The following RABIF variants were observed in gnomAD, a reference collection of about 807,000 sequenced individuals.
The protein encoded by RABIF is RAB interacting factor, also known as guanine nucleotide exchange factor MSS4.
A neutral mutation model predicts 12.3 loss-of-function variants in RABIF; 13 were observed. That is an observed-to-expected ratio of 1.06 (90% confidence interval 0.69 to 1.68). The LOEUF is 1.68. RABIF is among the 40% of genes most tolerant of loss of function. RABIF has a pLI of 0.00. For synonymous variants in RABIF, 70 were observed against 63.3 expected, an observed-to-expected ratio of 1.11 and a Z score of -0.50; for missense variants, 153 against 158.0, an observed-to-expected ratio of 0.97 and a Z score of 0.17.
In RABIF at chr1:202,880,882, C is replaced by G. The variant is rs1008015236; in HGVS notation, c.*96G>C. On this transcript the variant is annotated 3_prime_UTR_variant, in exon 2 of 2. Coordinates refer to ENST00000367262, the MANE Select transcript of RABIF (RefSeq NM_002871.5). ...TACTCAGTATTTATATTAGCACAGA[C>G]AAGAAGGCAGCGGAACAGTTATACC... 5 of 1,543,776 alleles carry G rather than the reference C, an allele frequency of 3.2e-6. No individual in the cohort carries two copies. In the African/African-American group the frequency reaches 6.8e-5, roughly 21 times the overall value.
At chr1:202,887,308 C>A (rs993379166) in intron 1 of RABIF, among the ~76,000 whole-genome samples, 2 of 151,812 alleles carry the variant, frequency 1.3e-5, no homozygotes, top group Non-Finnish European at 2.9e-5. Context: ...CGGCCCAACA[C>A]AAATTCGGAA....
intron 1 of RABIF, among the ~76,000 whole-genome samples, chr1:202,886,662 C>G (rs1018719455): frequency 1.3e-5 from 2 of 152,094 alleles, no homozygotes; most frequent in African/African-American, 4.8e-5. Flanking sequence ...TTTGGGAGGC[C>G]AAGGTGGATG....
At chr1:202,882,371 G>A (rs150052457) in intron 1 of RABIF, among the ~76,000 whole-genome samples, 1,675 of 152,164 alleles carry the variant, frequency 0.011, 25 homozygotes, top group African/African-American at 0.038. Context: ...GCGACAGAGC[G>A]AGACTCTGTC....
chr1:202,887,390 T>C (rs1659579631), intron 1 of RABIF, among the ~76,000 whole-genome samples: 1 of 151,988 alleles, frequency 6.6e-6, no homozygotes, highest in Non-Finnish European at 1.5e-5. Context: ...ATCATTAGTG[T>C]ATTTTGTGTG....
At chr1:202,887,489 G>A (rs901958579) in intron 1 of RABIF, among the ~76,000 whole-genome samples, 3 of 135,982 alleles carry the variant, frequency 2.2e-5, no homozygotes, top group African/African-American at 7.9e-5. Flanking sequence ...TCTCATGGAG[G>A]TTAAATAACT....
chr1:202,887,124 A>C (rs193278069), intron 1 of RABIF, among the ~76,000 whole-genome samples: 1 of 151,978 alleles, frequency 6.6e-6, no homozygotes, highest in East Asian at 1.9e-4. Flanking sequence ...TCAGTTTATA[A>C]AATTAGACAA....
At chr1:202,885,141 C>T (rs1659542817) in intron 1 of RABIF, among the ~76,000 whole-genome samples, 1 of 149,802 alleles carries the variant, frequency 6.7e-6, no homozygotes, top group South Asian at 2.1e-4. Flanking sequence ...TGCTTAACAG[C>T]AACCCTGGCT....
At chr1:202,887,837 A>G (rs976135616) in intron 1 of RABIF, among the ~76,000 whole-genome samples, 4 of 152,092 alleles carry the variant, frequency 2.6e-5, no homozygotes, top group Non-Finnish European at 5.9e-5. Context: ...GATAGTCAGG[A>G]CTCAATTCCA....
intron 1 of RABIF, among the ~76,000 whole-genome samples, chr1:202,886,910 T>A (rs146679243): frequency 0.023 from 3,541 of 151,930 alleles, 52 homozygotes; most frequent in Non-Finnish European, 0.037. Flanking sequence ...ATTTTTGTAT[T>A]TTTAGTAGAG....
Position 202,889,108 on chromosome 1 carries a change from C to G in RABIF, c.-10G>C, listed in dbSNP as rs767459814. 6.9e-6 allele frequency: 11 copies of G among 1,600,444 alleles called. No individual in the cohort carries two copies. The highest frequency in any genetic ancestry group is 9.4e-6 in the Non-Finnish European group (11 of 1,173,568). ...GCTCCGCTGGTTCCATCGCCGCTGC[C>G]GCCACAGGCTCCTCAGCCACGGCTG... On this transcript the variant is annotated 5_prime_UTR_variant, in exon 1 of 2. Coordinates refer to ENST00000367262, the MANE Select transcript of RABIF (RefSeq NM_002871.5).
chr1:202,881,941 C>T (rs527366194), intron 1 of RABIF, among the ~76,000 whole-genome samples: 1 of 152,344 alleles, frequency 6.6e-6, no homozygotes, highest in African/African-American at 2.4e-5. Context: ...AACCAAACAA[C>T]CTGAATTAGC....
intron 1 of RABIF, among the ~76,000 whole-genome samples, chr1:202,888,767 A>T (rs913084230): frequency 6.6e-6 from 1 of 152,180 alleles, no homozygotes. Flanking sequence ...GCGGCAAAAG[A>T]TGCCGGGGCG....
chr1:202,884,628 G>A (rs1341772789), intron 1 of RABIF, among the ~76,000 whole-genome samples: 1 of 152,106 alleles, frequency 6.6e-6, no homozygotes, highest in African/African-American at 2.4e-5. Context: ...ATGTACGGAC[G>A]GAGGTGGCCC....
Position 202,880,647 on chromosome 1 carries a change from G to A in RABIF, c.*331C>T. On this transcript the variant is annotated 3_prime_UTR_variant, in exon 2 of 2. Coordinates refer to ENST00000367262, the MANE Select transcript of RABIF (RefSeq NM_002871.5). ...TAAAAGGTTGAATACTGCTCTTCTA[G>A]AGCAAGAAAAAGCGGGAGCCCCTGG... is the stretch of plus-strand genomic sequence containing the variant. 5.0e-6 allele frequency: 5 copies of A among 998,392 alleles called. No individual in the cohort carries two copies. Among genetic ancestry groups the A allele is most frequent in the Non-Finnish European group, 6.1e-6 (5 of 819,494 alleles). 61.8% of individuals were successfully genotyped at this position (998,392 alleles called of 1,614,324 possible). A position where few individuals can be genotyped will look rare whatever the true frequency, so the allele number is the denominator to read the frequency against.
intron 1 of RABIF, 49 bp downstream of exon 1, chr1:202,888,924 T>A: frequency 1.4e-6 from 2 of 1,464,846 alleles, no homozygotes; most frequent in East Asian, 2.7e-5. Flanking sequence ...CTGCGGCGGC[T>A]CGTCGGGGGA....
Position 202,881,064 on chromosome 1 carries a change from C to T in RABIF, c.286G>A (p.Asp96Asn). Reference protein sequence around the residue: ...VGNIKFLVCADCEIGPIGWHC... With the variant: ...VGNIKFLVCANCEIGPIGWHC... ...CAGCCAATTGGTCCAATTTCACAGT[C>T]TGCGCAGACCAGAAACTTGATGTTG... Residue 96 changes from aspartate (D) to asparagine (N), a missense_variant, in exon 2 of 2, where the codon GAC (aspartate) becomes AAC (asparagine). Transcript: ENST00000367262. 1 of 1,614,180 alleles carries T rather than the reference C, an allele frequency of 6.2e-7. No homozygotes were observed. Among genetic ancestry groups the T allele is most frequent in the Non-Finnish European group, 8.5e-7 (1 of 1,180,042 alleles).
chr1:202,886,745 CTTTTTT>C (rs71142572), intron 1 of RABIF, among the ~76,000 whole-genome samples: 10 of 147,634 alleles, frequency 6.8e-5, no homozygotes, highest in East Asian at 4.1e-4. Context: ...TTTCTTTTTT[CTTTTTT>C]TTTTTTTTTG....
chr1:202,883,056 C>T (rs2102396177), intron 1 of RABIF, among the ~76,000 whole-genome samples: 1 of 152,296 alleles, frequency 6.6e-6, no homozygotes, highest in Admixed American at 6.5e-5. Context: ...GCTTTAATTT[C>T]TTCAATATGG....
At position 202,880,512 on chromosome 1, in the gene RABIF, G is replaced by T; in HGVS notation, c.*466C>A. On this transcript the variant is annotated 3_prime_UTR_variant, in exon 2 of 2. Transcript: ENST00000367262. Reference sequence around the variant, plus strand: ...GAATAAATTACTGTAGATCACAAGGGTAGCCATACAACAAAGTCACTCTCA... The same window carrying T: ...GAATAAATTACTGTAGATCACAAGGTTAGCCATACAACAAAGTCACTCTCA... The T allele has an allele frequency of 5.3e-6, 1 of 189,284 alleles. No homozygotes were observed. Among genetic ancestry groups the T allele is most frequent in the Non-Finnish European group, 9.9e-6 (1 of 100,934 alleles). The allele number at this position is 189,284 out of a possible 1,614,324, so 11.7% of individuals were successfully genotyped here. A position where few individuals can be genotyped will look rare whatever the true frequency, so the allele number is the denominator to read the frequency against.
Sources: allele counts gnomAD v4.1 joint callset (sites outside exome capture counted in the v4.1 genomes callset), GRCh38; gene constraint gnomAD v4.1.1; transcripts MANE v1.5; gene names NCBI Gene and HGNC (gene_info 2026-07-23, HGNC 2026-07-21).